Variants in TLE2 observed in about 807,000 individuals in gnomAD.
TLE2 encodes the protein TLE family member 2, transcriptional corepressor.
Under a neutral mutation model 97.2 loss-of-function variants are expected in TLE2, and 74 were observed. The observed-to-expected ratio is 0.76, with a 90% CI of 0.63 to 0.92. The LOEUF (loss-of-function observed/expected upper bound fraction) is 0.92. Ranked by LOEUF, TLE2 falls within the 40% of genes least tolerant of loss-of-function variation. The pLI, the probability that TLE2 is intolerant of heterozygous loss-of-function variation, is 0.00. For synonymous variants in TLE2, 499 were observed against 432.1 expected (o/e 1.15, Z -1.92); for missense variants, 1,038 against 1,008.7 (o/e 1.03, Z -0.39).
Position 3,019,428 on chromosome 19 carries a change from A to AGGGGCACC in TLE2, c.404_405insGGTGCCCC (p.Thr139CysfsTer156). 6.5e-7 allele frequency: 1 copy of AGGGGCACC among 1,535,530 alleles called. No homozygotes were observed. Among genetic ancestry groups the AGGGGCACC allele is most frequent in the Admixed American group, 2.0e-5 (1 of 50,850 alleles). On this transcript the variant is annotated frameshift_variant, in exon 7 of 20. Coordinates refer to ENST00000262953, the MANE Select transcript of TLE2 (RefSeq NM_003260.5). LOFTEE classifies it high-confidence loss of function. The surrounding 1 kb of genome is among the most constrained non-coding windows in gnomAD (Gnocchi z 5.1). Reference sequence around the variant, plus strand: ...CGGCTGGGCGGGGGGTGAGGGGCACAGGGGGTGCGTGGTGGGACAGCGGCT... The same window carrying AGGGGCACC: ...CGGCTGGGCGGGGGGTGAGGGGCACAGGGGCACCGGGGGTGCGTGGTGGGACAGCGGCT...
intron 19 of TLE2, among the ~76,000 whole-genome samples, chr19:2,998,397 A>G (rs975918767): frequency 6.6e-6 from 1 of 151,372 alleles, no homozygotes; most frequent in Non-Finnish European, 1.5e-5. Context: ...CCTGTCTCGA[A>G]CTCCCAAGCA....
chr19:3,003,705 G>C (rs919883129), intron 17 of TLE2, among the ~76,000 whole-genome samples: 3 of 149,190 alleles, frequency 2.0e-5, no homozygotes, highest in Admixed American at 6.8e-5. Flanking sequence ...TCTTAGCTTG[G>C]AATGTTCCTT....
intron 1 of TLE2, among the ~76,000 whole-genome samples, chr19:3,035,716 C>G (rs1375190913): frequency 6.6e-6 from 1 of 152,174 alleles, no homozygotes; most frequent in Admixed American, 6.5e-5. Flanking sequence ...ACATAGGAAA[C>G]TGGCCAATGG....
chr19:3,037,789 T>C (rs1688114), intron 1 of TLE2, among the ~76,000 whole-genome samples: 12,479 of 152,112 alleles, frequency 0.082, 598 homozygotes, highest in Middle Eastern at 0.14. Flanking sequence ...ACAAGATTAA[T>C]AATAGAATCT....
intron 19 of TLE2, among the ~76,000 whole-genome samples, chr19:2,998,936 T>C (rs1342340852): frequency 6.6e-6 from 1 of 152,218 alleles, no homozygotes; most frequent in Non-Finnish European, 1.5e-5. Flanking sequence ...GTAAACATTT[T>C]AGGCTTTGCC....
chr19:2,998,222 A>G (rs540434957), intron 19 of TLE2, among the ~76,000 whole-genome samples: 3 of 144,200 alleles, frequency 2.1e-5, no homozygotes, highest in African/African-American at 8.2e-5. Flanking sequence ...AGGCGCCCGC[A>G]ACCACGCCCG....
chr19:3,006,200 C>T, intron 15 of TLE2: 1 of 983,970 alleles, frequency 1.0e-6, no homozygotes, highest in Non-Finnish European at 1.6e-6. Context: ...CCTGCAAACC[C>T]TGTCCTGATT....
chr19:3,021,896 A>G (rs539153823), intron 5 of TLE2, among the ~76,000 whole-genome samples: 1 of 152,220 alleles, frequency 6.6e-6, no homozygotes, highest in South Asian at 2.1e-4. Flanking sequence ...ATATAAATTT[A>G]AATATAAAAT....
In TLE2 at chr19:2,997,733, G is replaced by C. The variant is rs1008586811; in HGVS notation, c.*115C>G. Reference sequence around the variant, plus strand: ...AAGGTGTGAAGCCGTTGGCCAGAGAGCAGATGGGATGTACGGTTCCTAGGC... The same window carrying C: ...AAGGTGTGAAGCCGTTGGCCAGAGACCAGATGGGATGTACGGTTCCTAGGC... On this transcript the variant is annotated 3_prime_UTR_variant, in exon 20 of 20. Coordinates refer to ENST00000262953, the MANE Select transcript of TLE2 (RefSeq NM_003260.5). 2 of 736,468 alleles carry C rather than the reference G, an allele frequency of 2.7e-6. No homozygotes were observed. Among genetic ancestry groups the C allele is most frequent in the African/African-American group, 3.5e-5 (2 of 57,638 alleles). 45.6% of individuals were successfully genotyped at this position (736,468 alleles called of 1,614,324 possible). A position where few individuals can be genotyped will look rare whatever the true frequency, so the allele number is the denominator to read the frequency against.
At chr19:3,047,395 C>G (rs2090152805), upstream of TLE2, among the ~76,000 whole-genome samples, 1 of 147,060 alleles carries the variant, frequency 6.8e-6, no homozygotes, top group Admixed American at 6.7e-5. Flanking sequence ...CCCCGGGACC[C>G]TCCCCAAACC....
At chr19:3,033,939 A>G (rs963178), upstream of TLE2, among the ~76,000 whole-genome samples, 35,152 of 151,410 alleles carry the variant, frequency 0.23, 4,437 homozygotes, top group African/African-American at 0.31. Flanking sequence ...TCTGGCTTCC[A>G]GGGCTCTGAG....
chr19:2,998,797 G>A (rs972785824), intron 19 of TLE2, among the ~76,000 whole-genome samples: 1 of 152,188 alleles, frequency 6.6e-6, no homozygotes, highest in African/African-American at 2.4e-5. Flanking sequence ...TACCAAGAGA[G>A]ATGGAACTGA....
intron 4 of TLE2, among the ~76,000 whole-genome samples, chr19:3,026,662 C>G (rs1259474030): frequency 1.3e-5 from 2 of 150,548 alleles, no homozygotes; most frequent in African/African-American, 4.9e-5. Context: ...ACCCTGAGGT[C>G]TATCTCTGAA....
At chr19:3,015,590 T>C (rs2089684372) in intron 9 of TLE2, 63 bp downstream of exon 9, 1 of 1,379,906 alleles carries the variant, frequency 7.2e-7, no homozygotes, top group Non-Finnish European at 1.0e-6. Context: ...TGGAAGGCTC[T>C]GAGGGGCCAG....
chr19:3,036,777 G>A (rs1239127182), intron 1 of TLE2, among the ~76,000 whole-genome samples: 2 of 152,218 alleles, frequency 1.3e-5, no homozygotes, highest in African/African-American at 4.8e-5. Flanking sequence ...GTTCTGCCTG[G>A]GAGCAGCCAG....
intron 11 of TLE2, among the ~76,000 whole-genome samples, chr19:3,013,061 G>T (rs770441075): frequency 6.6e-6 from 1 of 152,106 alleles, no homozygotes; most frequent in Non-Finnish European, 1.5e-5. Context: ...CCTTGAAACC[G>T]GGAGGGGAGG....
Position 3,015,507 on chromosome 19 carries a change from T to C in TLE2, c.678+146A>G, listed in dbSNP as rs555174941. ...CCTTGCATTACAGGATCTCCTCTGA[T>C]TGGTCAGTACTCTGAGTAGTAGGGA... On this transcript the variant is annotated intron_variant, in intron 9 of 19. Coordinates refer to ENST00000262953, the MANE Select transcript of TLE2 (RefSeq NM_003260.5). The C allele has an allele frequency of 1.3e-3, 787 of 627,996 alleles. 4 individuals carry two copies. Among genetic ancestry groups the C allele is most frequent in the Non-Finnish European group, 1.9e-3 (683 of 355,664 alleles). The allele number at this position is 627,996 out of a possible 1,614,324, so 38.9% of individuals were successfully genotyped here.
intron 1 of TLE2, chr19:3,045,641 A>C (rs1417263311): frequency 5.3e-6 from 2 of 375,058 alleles, no homozygotes; most frequent in Admixed American, 2.9e-5. Context: ...ACATGGTGAA[A>C]CCACCCCCCA....
At chr19:3,021,449 A>G (rs1311163927) in intron 5 of TLE2, among the ~76,000 whole-genome samples, 1 of 152,168 alleles carries the variant, frequency 6.6e-6, no homozygotes, top group African/African-American at 2.4e-5. Flanking sequence ...GCTGTTCCAC[A>G]CAGAAGCCAC....
Sources: allele counts gnomAD v4.1 joint callset (sites outside exome capture counted in the v4.1 genomes callset), GRCh38; gene constraint gnomAD v4.1.1; non-coding constraint Gnocchi (gnomAD v3.1); transcripts MANE v1.5; gene names NCBI Gene and HGNC (gene_info 2026-07-23, HGNC 2026-07-21).